ING5: variants seen among roughly 807,000 people sequenced by gnomAD.
The protein encoded by ING5 is inhibitor of growth protein 5.
A neutral mutation model predicts 37.4 loss-of-function variants in ING5; 17 were observed. That is an observed-to-expected ratio of 0.45 (90% CI 0.31 to 0.68). The LOEUF is 0.68. Among genes scored for constraint, ING5 ranks in the 30% least tolerant of loss-of-function variants. ING5 has a pLI of 0.05. For synonymous variants in ING5, 123 were observed against 116.6 expected, an observed-to-expected ratio of 1.06 and a Z score of -0.36; for missense variants, 233 against 311.9, an observed-to-expected ratio of 0.75 and a Z score of 1.91.
chr2:241,725,122 C>A lies in ING5; in HGVS notation c.*91C>A. 7.5e-7 allele frequency: 1 copy of A among 1,340,962 alleles called. No homozygotes were observed. Among genetic ancestry groups the A allele is most frequent in the Non-Finnish European group, 1.1e-6 (1 of 934,938 alleles). 83.1% of individuals were successfully genotyped at this position (1,340,962 alleles called of 1,614,324 possible). A position where few individuals can be genotyped will look rare whatever the true frequency, so the allele number is the denominator to read the frequency against. ...CCCTTCCTTTTAAAACTACCTTGTT[C>A]GGTTGATACTTAGTAACTCCGTGGC... On this transcript the variant is annotated 3_prime_UTR_variant, in exon 8 of 8. Transcript: ENST00000313552.
intron 5 of ING5, among the ~76,000 whole-genome samples, chr2:241,718,813 G>T (rs1036387641): frequency 6.6e-6 from 1 of 152,186 alleles, no homozygotes; most frequent in African/African-American, 2.4e-5. Flanking sequence ...ACTTTGGAAG[G>T]CTGAGGTGGG....
rs1437266966 is a variant in ING5 at position 241,725,642 on chromosome 2, T to G, written c.*611T>G. The G allele has an allele frequency of 4.6e-5, 7 of 152,630 alleles. No individual in the cohort carries two copies. Among genetic ancestry groups the G allele is most frequent in the Non-Finnish European group, 1.0e-4 (7 of 68,056 alleles). 9.5% of individuals were successfully genotyped at this position (152,630 alleles called of 1,614,324 possible). A position where few individuals can be genotyped will look rare whatever the true frequency, so the allele number is the denominator to read the frequency against. On this transcript the variant is annotated 3_prime_UTR_variant, in exon 8 of 8. Coordinates refer to ENST00000313552, the MANE Select transcript of ING5 (RefSeq NM_032329.6). ...TGGCGCCGCCTTTTTAGCTTGGACT[T>G]CAGTCCTCCCTCGGGGACTCACCTC...
At chr2:241,693,351 A>G (rs1023335990) in intron 2 of ING5, among the ~76,000 whole-genome samples, 4 of 151,514 alleles carry the variant, frequency 2.6e-5, no homozygotes, top group African/African-American at 7.3e-5. Context: ...TGAGGGACAC[A>G]GTTCAGTCCA....
rs1371283731 is a variant in ING5, at chr2:241,711,998, A to G, written c.409A>G (p.Lys137Glu). The change falls in exon 5 of 8, where the codon AAA (lysine) becomes GAA (glutamate). Residue 137 changes from lysine to glutamate, a missense_variant. Lys to Glu is a moderately conservative substitution (Grantham distance 56). Coordinates refer to ENST00000313552, the MANE Select transcript of ING5 (RefSeq NM_032329.6). ...TTCAGAAGGCCGGGGTCAGAAAGAA[A>G]AAAGAGGGTCCCGGGGCCGAGGCAG... is the stretch of plus-strand genomic sequence containing the variant. ...GLKKGRGQKE[K>E]RGSRGRGRRT... The G allele has an allele frequency of 6.2e-7, 1 of 1,609,620 alleles. No individual in the cohort carries two copies. The highest frequency in any genetic ancestry group is 8.5e-7 in the Non-Finnish European group (1 of 1,178,464).
At chr2:241,716,591 G>A (rs1342782284) in intron 5 of ING5, among the ~76,000 whole-genome samples, 2 of 152,072 alleles carry the variant, frequency 1.3e-5, no homozygotes, top group Admixed American at 6.6e-5. Context: ...CACTGCCCCG[G>A]CCCCTGTATT....
chr2:241,724,771 GT>G (rs1358230951), intron 7 of ING5: 1 of 449,974 alleles, frequency 2.2e-6, no homozygotes, highest in Admixed American at 4.9e-5. Flanking sequence ...CTCATTGATG[GT>G]GTATCTGTCA....
At position 241,687,238 on chromosome 2, in the gene ING5, G is replaced by A. The variant is rs540531352; in HGVS notation, c.-1598G>A. The A allele has an allele frequency of 7.2e-4, 287 of 397,130 alleles. 1 individual carries two copies. The Middle Eastern group carries it at 0.015, about 20-fold the overall frequency. 24.6% of individuals were successfully genotyped at this position (397,130 alleles called of 1,614,324 possible). A position where few individuals can be genotyped will look rare whatever the true frequency, so the allele number is the denominator to read the frequency against. On this transcript the variant is annotated 5_prime_UTR_variant, in exon 1 of 8. Transcript: ENST00000636051. Reference sequence around the variant, plus strand: ...CGACTCTCAGGGCCCTGCGGTGCCCGCTGCCAGCGTGAGGGCTCCGGTCAC... The same window carrying A: ...CGACTCTCAGGGCCCTGCGGTGCCCACTGCCAGCGTGAGGGCTCCGGTCAC...
chr2:241,718,376 C>A (rs2070335791), intron 5 of ING5, among the ~76,000 whole-genome samples: 1 of 143,218 alleles, frequency 7.0e-6, no homozygotes, highest in Non-Finnish European at 1.5e-5. Context: ...TCCCTTCCTC[C>A]CTCCCTCCCT....
In ING5 at chr2:241,721,058, G is replaced by C. The variant is rs879621803; in HGVS notation, c.483-1881G>C. The C allele has an allele frequency of 1.1e-5, 11 of 985,500 alleles. No individual in the cohort carries two copies. In the Middle Eastern group the frequency reaches 1.5e-3, roughly 139 times the overall value. The allele number at this position is 985,500 out of a possible 1,614,324, so 61.0% of individuals were successfully genotyped here. A position where few individuals can be genotyped will look rare whatever the true frequency, so the allele number is the denominator to read the frequency against. On this transcript the variant is annotated intron_variant, in intron 5 of 7. Transcript: ENST00000313552. Reference sequence around the variant, plus strand: ...AAGTGGCAGCTCAAGATGTCAGGTCGGGCTTTGTGGACAGAATTGGACTCG... The same window carrying C: ...AAGTGGCAGCTCAAGATGTCAGGTCCGGCTTTGTGGACAGAATTGGACTCG...
chr2:241,718,125 G>A (rs1015396380), intron 5 of ING5, among the ~76,000 whole-genome samples: 7 of 151,636 alleles, frequency 4.6e-5, no homozygotes, highest in Non-Finnish European at 8.8e-5. Flanking sequence ...CCATTCTCCC[G>A]CCTCAGCCTT....
At chr2:241,711,099 T>C (rs2070099490) in intron 3 of ING5, among the ~76,000 whole-genome samples, 1 of 152,230 alleles carries the variant, frequency 6.6e-6, no homozygotes, top group African/African-American at 2.4e-5. Context: ...ATCCCAGGCC[T>C]TGTTCACTGC....
chr2:241,717,389 AT>A (rs1422744899), intron 5 of ING5, among the ~76,000 whole-genome samples: 1 of 152,042 alleles, frequency 6.6e-6, no homozygotes, highest in Non-Finnish European at 1.5e-5. Flanking sequence ...ATTTCTTAAT[AT>A]TTATTTTCTT....
chr2:241,720,937 G>A, intron 5 of ING5: 6 of 985,644 alleles, frequency 6.1e-6, no homozygotes, highest in Non-Finnish European at 7.2e-6. Flanking sequence ...CTTCTGGGGT[G>A]CCCTTGCTGG....
In ING5 at chr2:241,692,510, C is replaced by T. The variant is rs2069571015; in HGVS notation, c.43+1857C>T. Among the ~76,000 whole-genome samples, 4 of 151,656 alleles carry T rather than the reference C, an allele frequency of 2.6e-5. No individual in the cohort carries two copies. The South Asian group carries it at 8.3e-4, about 32-fold the overall frequency. On this transcript the variant is annotated intron_variant, in intron 2 of 7. Transcript: ENST00000636051. ...ACTGACGGGGTCTTGCCCTGTTGCCCAGGCTGGTCTTGAACTGGTGGGCCC... is the reference window on the plus strand; with the variant it reads ...ACTGACGGGGTCTTGCCCTGTTGCCTAGGCTGGTCTTGAACTGGTGGGCCC...
Position 241,722,954 on chromosome 2 carries a change from C to T in ING5, c.498C>T (p.Asp166=), listed in dbSNP as rs1446084382. The change falls in exon 6 of 8, where the codon GAC becomes GAT. Residue 166 remains aspartate (D), a synonymous_variant. Transcript: ENST00000313552. ...TCCCCTGCAGGTCTGAGTTCACTGA[C>T]ACCATCCTGTCCGTGCACCCCTCTG... is the stretch of plus-strand genomic sequence containing the variant. ...KKHKGGSEFT[D]TILSVHPSDV... is the part of the protein sequence containing the mutation. 3.1e-6 allele frequency: 5 copies of T among 1,613,964 alleles called. No individual in the cohort carries two copies. In the African/African-American group the frequency reaches 4.0e-5, roughly 13 times the overall value.
At chr2:241,711,893 A>T (rs2070122490) in intron 4 of ING5, 85 bp from the exon 5 acceptor site, 1 of 1,202,678 alleles carries the variant, frequency 8.3e-7, no homozygotes, top group Non-Finnish European at 1.2e-6. Flanking sequence ...AGACAGAGCG[A>T]GACCCCTTTT....
intron 5 of ING5, among the ~76,000 whole-genome samples, chr2:241,714,353 A>G (rs534149685): frequency 1.3e-5 from 2 of 152,220 alleles, no homozygotes; most frequent in Non-Finnish European, 2.9e-5. Flanking sequence ...TTCTAAGTGT[A>G]CAGTTTGATG....
chr2:241,693,190 C>T (rs1052994303), intron 2 of ING5, among the ~76,000 whole-genome samples: 4 of 135,840 alleles, frequency 2.9e-5, no homozygotes, highest in Admixed American at 1.7e-4. Context: ...ACCCAGGAGG[C>T]GGAGGTTGCA....
intron 3 of ING5, among the ~76,000 whole-genome samples, chr2:241,710,131 A>T (rs1008039236): frequency 6.8e-6 from 1 of 147,484 alleles, no homozygotes; most frequent in Non-Finnish European, 1.5e-5. Context: ...TTTGAGATGG[A>T]CTTTTGCTCT....
Sources: gnomAD v4.1 joint callset for allele counts (sites outside exome capture counted in the v4.1 genomes callset) on GRCh38, gnomAD v4.1.1 for gene constraint, MANE v1.5 for transcripts, NCBI Gene and HGNC (gene_info 2026-07-23, HGNC 2026-07-21) for gene names.